HOXC5: variants seen among roughly 807,000 people sequenced by gnomAD.
HOXC5 encodes homeobox C5.
Under a neutral mutation model 20.1 loss-of-function variants are expected in HOXC5, and 19 were observed. That is an observed-to-expected ratio of 0.94 (90% CI 0.66 to 1.38). HOXC5 has a LOEUF of 1.38. Ranked by LOEUF, HOXC5 falls within the 40% of genes most tolerant of loss-of-function variation. The pLI is 0.00. For synonymous variants in HOXC5, 124 were observed against 117.0 expected, an observed-to-expected ratio of 1.06 and a Z score of -0.39; for missense variants, 330 against 300.1, an observed-to-expected ratio of 1.10 and a Z score of -0.74.
In HOXC5 at chr12:54,033,229, C is replaced by T; in HGVS notation, c.107C>T (p.Ser36Phe). ...NYGSASEVQA[S>F]RYCYGGLDLS... is the part of the protein sequence containing the mutation. The stretch of plus-strand genomic sequence containing the variant: ...GGATCGGCCTCAGAGGTGCAGGCAT[C>T]CAGGTACTGCTACGGCGGATTGGAC... The change falls in exon 1 of 2, where the codon TCC (serine) becomes TTC (phenylalanine). Residue 36 changes from serine to phenylalanine, a missense_variant. Coordinates refer to ENST00000312492, the MANE Select transcript of HOXC5 (RefSeq NM_018953.4). 1 of 1,614,150 alleles carries T rather than the reference C, an allele frequency of 6.2e-7. No individual in the cohort carries two copies.
intron 1 of HOXC5, chr12:54,033,998 C>T (rs1326822061): frequency 6.6e-6 from 4 of 609,498 alleles, no homozygotes; most frequent in Non-Finnish European, 9.4e-6. Context: ...CTCGAGGGTG[C>T]TTATTGTTCG....
chr12:54,025,555 T>G, the HOXC5 span, among the ~76,000 whole-genome samples: 46 of 151,438 alleles, frequency 3.0e-4, 1 homozygote, highest in African/African-American at 9.7e-4. Context: ...TGAAAATTAA[T>G]TTTGCCAAAG....
upstream of HOXC5, chr12:54,029,034 G>C: frequency 9.6e-7 from 1 of 1,038,042 alleles, no homozygotes; most frequent in Non-Finnish European, 1.4e-6. Flanking sequence ...AAACAATCAC[G>C]CTCGTCTCCT....
At chr12:54,026,303 C>A in the HOXC5 span, among the ~76,000 whole-genome samples, 1 of 152,160 alleles carries the variant, frequency 6.6e-6, no homozygotes, top group Non-Finnish European at 1.5e-5. Context: ...CACCTCTTGC[C>A]CTCCAGGGGG....
chr12:54,025,005 T>C, the HOXC5 span, among the ~76,000 whole-genome samples: 1 of 152,192 alleles, frequency 6.6e-6, no homozygotes, highest in South Asian at 2.1e-4. Flanking sequence ...TCTCTGAAAG[T>C]GAAAATCTGC....
upstream of HOXC5, chr12:54,030,115 G>T: frequency 1.4e-6 from 1 of 712,386 alleles, no homozygotes; most frequent in East Asian, 2.8e-5. Context: ...CTGAAAGTCA[G>T]CTCTGGACCC....
rs1404773458 is a variant in HOXC5 at position 54,034,272 on chromosome 12, T to C, written c.455-6T>C. 6.2e-7 allele frequency: 1 copy of C among 1,612,528 alleles called. No individual in the cohort carries two copies. The highest frequency in any genetic ancestry group is 1.3e-5 in the African/African-American group (1 of 74,924). ...TTCCTGGCTTGGGGTGGGGTTTATG[T>C]TCCAGAGACGGACGGCAAGCGGTCC... On this transcript the variant is annotated splice_region_variant and splice_polypyrimidine_tract_variant and intron_variant, in intron 1 of 1. Coordinates refer to ENST00000312492, the MANE Select transcript of HOXC5 (RefSeq NM_018953.4).
intron 1 of HOXC5, 129 bp downstream of exon 1, chr12:54,033,705 TC>T: frequency 1.3e-6 from 1 of 799,330 alleles, no homozygotes; most frequent in African/African-American, 1.7e-5. Flanking sequence ...CGTAAAACTG[TC>T]CACTAAAAGG....
upstream of HOXC5, chr12:54,029,070 C>G: frequency 1.3e-6 from 1 of 788,682 alleles, no homozygotes; most frequent in Admixed American, 2.9e-5. Context: ...CCCTCTTCTG[C>G]CCCCTCAGCT....
At chr12:54,022,640 A>G in the HOXC5 span, 1 of 152,106 alleles carries the variant, frequency 6.6e-6, no homozygotes, top group South Asian at 2.1e-4. Context: ...CCAGAACATA[A>G]CAACATTTTA....
chr12:54,028,543 C>T (rs1368012211), upstream of HOXC5: 2 of 1,613,948 alleles, frequency 1.2e-6, no homozygotes, highest in Non-Finnish European at 8.5e-7. Context: ...CTTCACTAAC[C>T]CTTCCTTATC....
chr12:54,032,849 C>T (rs533708445), upstream of HOXC5: 2 of 276,182 alleles, frequency 7.2e-6, no homozygotes, highest in Non-Finnish European at 1.3e-5. Context: ...TCCCTCTCCC[C>T]CTTGGTTGGG....
the HOXC5 span, among the ~76,000 whole-genome samples, chr12:54,019,345 G>A: frequency 6.6e-6 from 1 of 152,210 alleles, no homozygotes; most frequent in Non-Finnish European, 1.5e-5. Context: ...GCACGGCCCA[G>A]TGGCTGATGC....
the HOXC5 span, among the ~76,000 whole-genome samples, chr12:54,022,906 G>A: frequency 6.6e-6 from 1 of 152,194 alleles, no homozygotes; most frequent in African/African-American, 2.4e-5. Context: ...GGGATCCTTT[G>A]ACCCAGTGCA....
chr12:54,030,090 G>A (rs1036679240), upstream of HOXC5: 6 of 964,948 alleles, frequency 6.2e-6, no homozygotes, highest in Non-Finnish European at 7.5e-6. Flanking sequence ...CAAAATTAGG[G>A]AGTCAAACGT....
rs1565746760 is a variant in HOXC5, at chr12:54,034,583, G to A, written c.*91G>A. On this transcript the variant is annotated 3_prime_UTR_variant, in exon 2 of 2. Coordinates refer to ENST00000312492, the MANE Select transcript of HOXC5 (RefSeq NM_018953.4). ...GCCTTTCCTCTCTATATTTCGGGTC[G>A]GGGGCAGGTGCTGGAGCACTGGGCT... is the stretch of plus-strand genomic sequence containing the variant. 1.8e-6 allele frequency: 2 copies of A among 1,107,474 alleles called. No individual in the cohort carries two copies. The highest frequency in any genetic ancestry group is 2.1e-5 in the Admixed American group (1 of 46,736). The allele number at this position is 1,107,474 out of a possible 1,614,324, so 68.6% of individuals were successfully genotyped here.
upstream of HOXC5, among the ~76,000 whole-genome samples, chr12:54,031,840 G>GC (rs1195654490): frequency 1.3e-5 from 2 of 152,168 alleles, no homozygotes; most frequent in African/African-American, 4.8e-5. Flanking sequence ...CCCTGCGAAG[G>GC]CTACCCAGGC....
upstream of HOXC5, chr12:54,030,213 T>C: frequency 2.5e-6 from 1 of 395,212 alleles, no homozygotes; most frequent in East Asian, 4.0e-5. Flanking sequence ...TACAGGCCCT[T>C]TTCCCCGTCC....
Position 54,033,397 on chromosome 12 carries a change from C to G in HOXC5, c.275C>G (p.Ala92Gly). The part of the protein sequence containing the change: ...PGHAPGRDEA[A>G]PLNPGMYSQK... ...CACGCTCCGGGCAGAGACGAAGCGGCTCCTCTGAACCCCGGGATGTACAGT... is the reference window on the plus strand; with the variant it reads ...CACGCTCCGGGCAGAGACGAAGCGGGTCCTCTGAACCCCGGGATGTACAGT... The change falls in exon 1 of 2, where the codon GCT becomes GGT. Residue 92 changes from alanine to glycine, a missense_variant. Coordinates refer to ENST00000312492, the MANE Select transcript of HOXC5 (RefSeq NM_018953.4). 6.2e-7 allele frequency: 1 copy of G among 1,612,114 alleles called. No individual in the cohort carries two copies. The highest frequency in any genetic ancestry group is 1.1e-5 in the South Asian group (1 of 90,950).
Sources: allele counts gnomAD v4.1 joint callset (sites outside exome capture counted in the v4.1 genomes callset), GRCh38; gene constraint gnomAD v4.1.1; transcripts MANE v1.5; gene names NCBI Gene and HGNC (gene_info 2026-07-23, HGNC 2026-07-21).